Variants in CD200R1 observed in about 807,000 individuals in gnomAD.
The protein encoded by CD200R1 is cell surface glycoprotein CD200 receptor 1.
In CD200R1, 30 loss-of-function variants were observed where a neutral mutation model predicts 38.1. That is an observed-to-expected ratio of 0.79 (90% confidence interval 0.59 to 1.07). The LOEUF is 1.07. CD200R1 is among the 50% of genes least tolerant of loss of function. The pLI is 0.00. For missense variants in CD200R1, 372 were observed against 415.4 expected (o/e 0.90, Z 0.91); for synonymous variants, 128 against 152.1 (o/e 0.84, Z 1.16).
At chr3:112,936,870 T>G (rs545838969) in intron 2 of CD200R1, among the ~76,000 whole-genome samples, 20 of 152,216 alleles carry the variant, frequency 1.3e-4, no homozygotes, top group Non-Finnish European at 2.6e-4. Flanking sequence ...CATGAAATCA[T>G]GAAATCTTTG....
At chr3:112,941,532 G>A (rs1323398575) in intron 2 of CD200R1, among the ~76,000 whole-genome samples, 1 of 151,474 alleles carries the variant, frequency 6.6e-6, no homozygotes, top group Non-Finnish European at 1.5e-5. Flanking sequence ...TAATTTCTGA[G>A]ATCAACATGC....
chr3:112,974,737 G>A (rs1284164592), intron 1 of CD200R1, 54 bp downstream of exon 1: 1 of 1,164,398 alleles, frequency 8.6e-7, no homozygotes. Flanking sequence ...AATAAACTCA[G>A]GAAGAGCTGA....
chr3:112,968,897 A>G (rs1933229782), intron 1 of CD200R1, among the ~76,000 whole-genome samples: 1 of 152,184 alleles, frequency 6.6e-6, no homozygotes, highest in Admixed American at 6.5e-5. Context: ...AATCTGTGCA[A>G]CATTCAAAAC....
chr3:112,950,923 G>A (rs938594433), intron 1 of CD200R1, among the ~76,000 whole-genome samples: 6 of 152,050 alleles, frequency 3.9e-5, no homozygotes, highest in Non-Finnish European at 7.4e-5. Context: ...GTGGTTTTAG[G>A]AAAAGTAATA....
intron 1 of CD200R1, among the ~76,000 whole-genome samples, chr3:112,971,745 C>T (rs997293106): frequency 2.0e-5 from 3 of 152,132 alleles, no homozygotes; most frequent in Non-Finnish European, 4.4e-5. Context: ...CCCCCAAAAT[C>T]CAGCCTTATT....
At chr3:112,950,805 G>A (rs772479566) in intron 1 of CD200R1, among the ~76,000 whole-genome samples, 4 of 152,056 alleles carry the variant, frequency 2.6e-5, no homozygotes, top group South Asian at 2.1e-4. Context: ...TCAAACACAC[G>A]TCTAAGCAAC....
chr3:112,932,550 C>G (rs141936887), intron 2 of CD200R1, among the ~76,000 whole-genome samples: 3,256 of 152,128 alleles, frequency 0.021, 40 homozygotes, highest in South Asian at 0.047. Flanking sequence ...GTCCCCAGGC[C>G]TCCCCAGCAG....
chr3:112,944,006 C>T (rs1374037157), intron 2 of CD200R1, among the ~76,000 whole-genome samples: 1 of 151,778 alleles, frequency 6.6e-6, no homozygotes, highest in Non-Finnish European at 1.5e-5. Flanking sequence ...AATTAATAAC[C>T]TTTCAGGACA....
At chr3:112,965,116 G>A (rs1933123344) in intron 1 of CD200R1, among the ~76,000 whole-genome samples, 1 of 152,142 alleles carries the variant, frequency 6.6e-6, no homozygotes, top group Non-Finnish European at 1.5e-5. Context: ...TATCAGCAGT[G>A]TGAAAATGGA....
Position 112,931,101 on chromosome 3 carries a change from A to G in CD200R1, c.202+5T>C, listed in dbSNP as rs1394973643. Reference sequence around the variant, plus strand: ...GTGCTGGCCACTAGTAAGGAAGCATATTACCTTCTGCGAGTACTTTCGAGT... The same window carrying G: ...GTGCTGGCCACTAGTAAGGAAGCATGTTACCTTCTGCGAGTACTTTCGAGT... On this transcript the variant is annotated splice_donor_5th_base_variant and intron_variant, in intron 3 of 7. Transcript: ENST00000308611. 3 of 1,603,836 alleles carry G rather than the reference A, an allele frequency of 1.9e-6. No individual in the cohort carries two copies. The highest frequency in any genetic ancestry group is 1.7e-6 in the Non-Finnish European group (2 of 1,170,740).
At chr3:112,973,891 G>T (rs1933369657) in intron 1 of CD200R1, among the ~76,000 whole-genome samples, 1 of 152,120 alleles carries the variant, frequency 6.6e-6, no homozygotes, top group Non-Finnish European at 1.5e-5. Flanking sequence ...AGTGGCCCAA[G>T]TTCTCTATAA....
chr3:112,939,809 C>T (rs530918689), intron 2 of CD200R1, among the ~76,000 whole-genome samples: 99 of 137,776 alleles, frequency 7.2e-4, no homozygotes, highest in African/African-American at 2.6e-3. Flanking sequence ...CTGAAATTTA[C>T]ATGGAACCAC....
At chr3:112,933,151 T>C (rs9833991) in intron 2 of CD200R1, among the ~76,000 whole-genome samples, 90,968 of 151,964 alleles carry the variant, frequency 0.6, 27,656 homozygotes, top group African/African-American at 0.71. Context: ...GGGCCCACTC[T>C]CAGCAGACAT....
intron 1 of CD200R1, among the ~76,000 whole-genome samples, chr3:112,972,213 A>G (rs1191361043): frequency 1.3e-5 from 2 of 152,218 alleles, no homozygotes; most frequent in African/African-American, 4.8e-5. Flanking sequence ...TATGCAAACT[A>G]GAAAAGGAAG....
chr3:112,972,856 T>C (rs1278280290), intron 1 of CD200R1, among the ~76,000 whole-genome samples: 1 of 152,238 alleles, frequency 6.6e-6, no homozygotes, highest in Non-Finnish European at 1.5e-5. Context: ...ATTAATAACA[T>C]AGCAGTTTTA....
chr3:112,928,948 G>C lies in CD200R1; in HGVS notation c.637C>G (p.Gln213Glu), dbSNP rs1258244789. The C allele has an allele frequency of 1.2e-6, 2 of 1,614,022 alleles. No individual in the cohort carries two copies. The highest frequency in any genetic ancestry group is 2.2e-5 in the East Asian group (1 of 44,874). Reference sequence around the variant, plus strand: ...ACTGTGCCATTGCTCCAGTATTCTTGCTTAGTGGCACAATCGCCCTCTGGG... The same window carrying C: ...ACTGTGCCATTGCTCCAGTATTCTTCCTTAGTGGCACAATCGCCCTCTGGG... ...WIPEGDCATK[Q>E]EYWSNGTVTV... Residue 213 changes from glutamine (Q) to glutamate (E), a missense_variant, in exon 5 of 8, where the codon CAA (glutamine) becomes GAA (glutamate). Coordinates refer to ENST00000308611, the MANE Select transcript of CD200R1 (RefSeq NM_138806.4).
At chr3:112,943,826 G>T (rs1940779747) in intron 2 of CD200R1, among the ~76,000 whole-genome samples, 3 of 151,596 alleles carry the variant, frequency 2.0e-5, no homozygotes, top group African/African-American at 2.4e-5. Context: ...ATACTATGAA[G>T]AATTCTATGC....
chr3:112,974,865 TTC>T lies in CD200R1; in HGVS notation c.-10_-9del, dbSNP rs1253270555. The T allele has an allele frequency of 1.9e-6, 3 of 1,611,420 alleles. No homozygotes were observed. Among genetic ancestry groups the T allele is most frequent in the Non-Finnish European group, 1.7e-6 (2 of 1,177,908 alleles). On this transcript the variant is annotated 5_prime_UTR_variant, in exon 1 of 8. Transcript: ENST00000308611. ...TCTCCAAGGGCAGAGCATTTCTGTT[TTC>T]TCTTTTTCTGCCCTTCACTCAGTAC...
chr3:112,931,164 G>A lies in CD200R1; in HGVS notation c.144C>T (p.Ser48=), dbSNP rs1212206066. Residue 48 remains serine (S), a synonymous_variant, in exon 3 of 8, where the codon AGC becomes AGT. Transcript: ENST00000308611. ...TSKENHALAS[S]SLCMDEKQIT... ...TCTGTTTTTCATCCATACATAAACT[G>A]CTTGAAGCTAGAAAATATTTAGAGA... is the stretch of plus-strand genomic sequence containing the variant. 6.3e-7 allele frequency: 1 copy of A among 1,595,912 alleles called. No individual in the cohort carries two copies. The highest frequency in any genetic ancestry group is 8.6e-7 in the Non-Finnish European group (1 of 1,163,486).
Sources: allele counts gnomAD v4.1 joint callset (sites outside exome capture counted in the v4.1 genomes callset), GRCh38; gene constraint gnomAD v4.1.1; transcripts MANE v1.5; gene names NCBI Gene and HGNC (gene_info 2026-07-23, HGNC 2026-07-21).